Variants in UGP2 observed in about 807,000 individuals in gnomAD.
The protein encoded by UGP2 is UDP-glucose pyrophosphorylase 2.
In UGP2, 40 loss-of-function variants were observed where a neutral mutation model predicts 49.0. That is an observed-to-expected ratio of 0.82 (90% confidence interval 0.63 to 1.06). UGP2 has a LOEUF of 1.06. UGP2 is among the 50% of genes least tolerant of loss of function. The pLI is 0.00. For synonymous variants in UGP2, 225 were observed against 213.0 expected (o/e 1.06, Z -0.49); for missense variants, 460 against 603.5 (o/e 0.76, Z 2.49).
chr2:63,858,975 A>G (rs1032054028), intron 3 of UGP2, among the ~76,000 whole-genome samples: 1 of 142,256 alleles, frequency 7.0e-6, no homozygotes. Flanking sequence ...ACCTGGGTGT[A>G]GAAGTGTAGT....
At chr2:63,842,643 C>A (rs2104226622) in intron 1 of UGP2, 2 of 1,410,402 alleles carry the variant, frequency 1.4e-6, no homozygotes, top group South Asian at 1.6e-5. Context: ...GTGTTCTCCG[C>A]TTCTACTTCG....
At chr2:63,847,479 G>A (rs913790892) in intron 1 of UGP2, among the ~76,000 whole-genome samples, 2 of 152,186 alleles carry the variant, frequency 1.3e-5, no homozygotes, top group Admixed American at 6.5e-5. Flanking sequence ...ATGCTCGTCC[G>A]TGTGAAGAGA....
chr2:63,883,950 T>C lies in UGP2; in HGVS notation c.442-10T>C, dbSNP rs1175352912. The C allele has an allele frequency of 6.3e-7, 1 of 1,593,438 alleles. No homozygotes were observed. Among genetic ancestry groups the C allele is most frequent in the East Asian group, 2.2e-5 (1 of 44,550 alleles). On this transcript the variant is annotated splice_polypyrimidine_tract_variant and intron_variant, in intron 4 of 9. Transcript: ENST00000337130. The stretch of plus-strand genomic sequence containing the variant: ...AGTCTGGGTAATCTAATTGTCATTT[T>C]CCTCCCTAGCATTTGAATAAAACCT...
At chr2:63,887,940 TAACA>T in intron 8 of UGP2, 2 of 317,038 alleles carry the variant, frequency 6.3e-6, no homozygotes, top group Non-Finnish European at 1.2e-5. Context: ...AATTCTGGCT[TAACA>T]AATACTTATT....
At position 63,890,534 on chromosome 2, in the gene UGP2, TAA is replaced by T. The variant is rs1672044797; in HGVS notation, c.1419+352_1419+353del. On this transcript the variant is annotated intron_variant, in intron 9 of 9. Transcript: ENST00000337130. ...AAGAAATAGGAGGGAAACGGGGGTATAAAAGTATTAAAGCTCACCAAAGATAC... is the reference window on the plus strand; with the variant it reads ...AAGAAATAGGAGGGAAACGGGGGTATAAGTATTAAAGCTCACCAAAGATAC... Among the ~76,000 whole-genome samples, 4 of 152,274 alleles carry T rather than the reference TAA, an allele frequency of 2.6e-5. 1 individual carries two copies. Among genetic ancestry groups the T allele is most frequent in the African/African-American group, 9.6e-5 (4 of 41,550 alleles).
At chr2:63,842,249 T>G (rs776648959) in intron 1 of UGP2, 45 bp downstream of exon 1, 9 of 1,607,962 alleles carry the variant, frequency 5.6e-6, no homozygotes, top group Admixed American at 1.7e-5. Context: ...TCAGGCAAAT[T>G]TGGGTACTGA....
intron 1 of UGP2, among the ~76,000 whole-genome samples, chr2:63,851,918 C>T (rs138248733): frequency 2.6e-5 from 4 of 152,180 alleles, no homozygotes; most frequent in East Asian, 3.9e-4. Context: ...GCAGAAGAAA[C>T]GTGGGGTGAT....
At chr2:63,871,596 T>G (rs7557407) in intron 3 of UGP2, among the ~76,000 whole-genome samples, 2,523 of 152,370 alleles carry the variant, frequency 0.017, 71 homozygotes, top group African/African-American at 0.058. Flanking sequence ...ACAAAAACCT[T>G]TTTAAATCTC....
chr2:63,888,790 T>TC (rs1191139860), intron 8 of UGP2: 2 of 152,194 alleles, frequency 1.3e-5, no homozygotes, highest in South Asian at 2.1e-4. Context: ...ATCCTTTTTT[T>TC]CCCCTCATCA....
At chr2:63,856,738 A>G (rs764410009) in intron 2 of UGP2, 1 of 481,764 alleles carries the variant, frequency 2.1e-6, no homozygotes. Context: ...ACCTGTGTTC[A>G]GTTGTAATTG....
At chr2:63,887,138 C>T (rs963596135) in intron 7 of UGP2, among the ~76,000 whole-genome samples, 1 of 151,998 alleles carries the variant, frequency 6.6e-6, no homozygotes, top group Non-Finnish European at 1.5e-5. Context: ...GTGGCACATG[C>T]CTATAATTCC....
intron 2 of UGP2, chr2:63,857,480 C>T (rs1442833706): frequency 2.6e-6 from 1 of 391,718 alleles, no homozygotes; most frequent in Non-Finnish European, 5.1e-6. Context: ...CCTCCCACCT[C>T]AGCCCCCGAG....
chr2:63,841,030 G>C (rs1471977611), upstream of UGP2: 1 of 152,722 alleles, frequency 6.5e-6, no homozygotes, highest in African/African-American at 2.4e-5. Context: ...AGTAGGGGCT[G>C]TGGGTGTCGG....
Position 63,856,621 on chromosome 2 carries a change from TTA to T in UGP2, c.147+190_147+191del, listed in dbSNP as rs1393876021. ...TTAACATTTGCCCTTTGTAAATCCA[TTA>T]TCTTTTTTTCATTTAAGCCTAGGAA... On this transcript the variant is annotated intron_variant, in intron 2 of 9. Coordinates refer to ENST00000337130, the MANE Select transcript of UGP2 (RefSeq NM_006759.4). 5 of 636,614 alleles carry T rather than the reference TTA, an allele frequency of 7.9e-6. No individual in the cohort carries two copies. The African/African-American group carries it at 9.2e-5, about 12-fold the overall frequency. 39.4% of individuals were successfully genotyped at this position (636,614 alleles called of 1,614,324 possible). A position where few individuals can be genotyped will look rare whatever the true frequency, so the allele number is the denominator to read the frequency against.
At chr2:63,855,730 T>G (rs1470586703) in intron 1 of UGP2, 1 of 414,826 alleles carries the variant, frequency 2.4e-6, no homozygotes, top group Admixed American at 2.6e-5. Flanking sequence ...TTTGTAGAGA[T>G]GAGGTTTTGC....
chr2:63,858,306 G>C (rs1236811424), intron 3 of UGP2, among the ~76,000 whole-genome samples: 1 of 152,172 alleles, frequency 6.6e-6, no homozygotes, highest in East Asian at 1.9e-4. Context: ...TGGATGCTTA[G>C]CCAGACCTTA....
intron 3 of UGP2, among the ~76,000 whole-genome samples, chr2:63,872,880 G>A (rs75917669): frequency 6.6e-6 from 1 of 152,056 alleles, no homozygotes; most frequent in Admixed American, 6.6e-5. Flanking sequence ...GCTGGACGAG[G>A]TGTTGGTGCT....
At chr2:63,847,217 TA>T (rs1440304680) in intron 1 of UGP2, among the ~76,000 whole-genome samples, 1 of 152,198 alleles carries the variant, frequency 6.6e-6, no homozygotes, top group Non-Finnish European at 1.5e-5. Flanking sequence ...AAAATGACCT[TA>T]AAAGGAAATT....
intron 8 of UGP2, chr2:63,888,608 T>C (rs1671852168): frequency 6.6e-6 from 1 of 152,248 alleles, no homozygotes; most frequent in South Asian, 2.1e-4. Flanking sequence ...CGCCATCCCA[T>C]CTCAGGGCAC....
Sources: gnomAD v4.1 joint callset for allele counts (sites outside exome capture counted in the v4.1 genomes callset) on GRCh38, gnomAD v4.1.1 for gene constraint, MANE v1.5 for transcripts, NCBI Gene and HGNC (gene_info 2026-07-23, HGNC 2026-07-21) for gene names.